TRIM14: variants seen among roughly 807,000 people sequenced by gnomAD.
TRIM14 encodes the protein tripartite motif containing 14.
Under a neutral mutation model 44.5 loss-of-function variants are expected in TRIM14, and 28 were observed. The observed-to-expected ratio is 0.63, with a 90% CI of 0.47 to 0.86. The LOEUF is 0.86. TRIM14 is among the 40% of genes least tolerant of loss of function. TRIM14 has a pLI of 0.00. For synonymous variants in TRIM14, 299 were observed against 269.2 expected, an observed-to-expected ratio of 1.11 and a Z score of -1.08; for missense variants, 607 against 611.1, an observed-to-expected ratio of 0.99 and a Z score of 0.07.
intron 4 of TRIM14, among the ~76,000 whole-genome samples, chr9:98,093,809 G>A (rs762026939): frequency 5.9e-5 from 9 of 152,060 alleles, no homozygotes; most frequent in Non-Finnish European, 1.0e-4. Flanking sequence ...ACAGTGGCAT[G>A]ATCTCAACTC....
At chr9:98,070,890 C>T (rs779457874) in intron 6 of TRIM14, among the ~76,000 whole-genome samples, 1 of 151,598 alleles carries the variant, frequency 6.6e-6, no homozygotes, top group Non-Finnish European at 1.5e-5. Context: ...TAGCTCACCG[C>T]AGCCTTGACG....
At chr9:98,069,074 G>C (rs531049334), downstream of TRIM14, among the ~76,000 whole-genome samples, 1 of 152,140 alleles carries the variant, frequency 6.6e-6, no homozygotes, top group African/African-American at 2.4e-5. Flanking sequence ...TGACCCACCA[G>C]TTGTCATTTG....
chr9:98,081,475 C>T (rs1250978090), downstream of TRIM14: 4 of 184,444 alleles, frequency 2.2e-5, no homozygotes, highest in South Asian at 4.8e-4. Context: ...ACGGTGTTCC[C>T]TGAGGTACCA....
chr9:98,073,704 TC>T (rs1829457026), intron 6 of TRIM14, among the ~76,000 whole-genome samples: 1 of 152,024 alleles, frequency 6.6e-6, no homozygotes, highest in Admixed American at 6.6e-5. Flanking sequence ...GATCAGCAGT[TC>T]CCAGAGTGTC....
the TRIM14 span, among the ~76,000 whole-genome samples, chr9:98,051,653 G>A: frequency 9.9e-5 from 15 of 152,134 alleles, no homozygotes; most frequent in Non-Finnish European, 1.9e-4. Flanking sequence ...TTTAACCCAT[G>A]ATGTGGGTTA....
At chr9:98,100,313 C>T (rs1214433169) in intron 2 of TRIM14, 149 bp from the exon 3 acceptor site, 2 of 672,092 alleles carry the variant, frequency 3.0e-6, no homozygotes, top group African/African-American at 1.8e-5. Flanking sequence ...CCAAAGCTTT[C>T]CTAAGCACCA....
chr9:98,055,662 TAC>T, the TRIM14 span, among the ~76,000 whole-genome samples: 1 of 152,192 alleles, frequency 6.6e-6, no homozygotes, highest in Non-Finnish European at 1.5e-5. Flanking sequence ...TTGTTAGTCC[TAC>T]AAAGGCAGTC....
At chr9:98,083,877 C>T (rs1195708221), downstream of TRIM14, among the ~76,000 whole-genome samples, 1 of 152,172 alleles carries the variant, frequency 6.6e-6, no homozygotes, top group Non-Finnish European at 1.5e-5. Context: ...ATAATACGAT[C>T]TTGGATGGGA....
rs1826126900 is a variant in TRIM14 at position 98,094,902 on chromosome 9, G to A, written c.665C>T (p.Thr222Ile). The change falls in exon 4 of 6, where the codon ACA becomes ATA. Residue 222 changes from threonine (T) to isoleucine (I), a missense_variant. Thr to Ile is a moderately conservative substitution (Grantham distance 89). Transcript: ENST00000341469. Reference protein sequence around the residue: ...FKGLVEAVESTLQTPLDIRLK... With the variant: ...FKGLVEAVESILQTPLDIRLK... The stretch of plus-strand genomic sequence containing the variant: ...GCGAATGTCCAATGGCGTCTGTAAT[G>A]TACTCTCCACGGCTTCCACGAGGCC... The A allele has an allele frequency of 1.2e-6, 2 of 1,614,198 alleles. No individual in the cohort carries two copies. Among genetic ancestry groups the A allele is most frequent in the Non-Finnish European group, 8.5e-7 (1 of 1,180,028 alleles).
Position 98,087,214 on chromosome 9 carries a change from T to G in TRIM14, c.*256A>C. 1 of 763,840 alleles carries G rather than the reference T, an allele frequency of 1.3e-6. No homozygotes were observed. The highest frequency in any genetic ancestry group is 2.4e-6 in the Non-Finnish European group (1 of 408,946). The allele number at this position is 763,840 out of a possible 1,614,324, so 47.3% of individuals were successfully genotyped here. On this transcript the variant is annotated 3_prime_UTR_variant, in exon 6 of 6. Coordinates refer to ENST00000341469, the MANE Select transcript of TRIM14 (RefSeq NM_014788.4). ...TCACTTTGAAGGAACTGGATTAAAGTAGTGTAAGTGATGGTGGGGTGAGGG... is the reference window on the plus strand; with the variant it reads ...TCACTTTGAAGGAACTGGATTAAAGGAGTGTAAGTGATGGTGGGGTGAGGG...
intron 1 of TRIM14, among the ~76,000 whole-genome samples, chr9:98,118,259 G>C (rs1587982862): frequency 1.8e-4 from 1 of 5,712 alleles, no homozygotes; most frequent in Non-Finnish European, 2.6e-4. Flanking sequence ...CAGAGCCCCT[G>C]GGGCACTGTT....
rs771953795 is a variant in TRIM14 at position 98,099,975 on chromosome 9, C to A, written c.493G>T (p.Val165Phe). 3 of 1,614,062 alleles carry A rather than the reference C, an allele frequency of 1.9e-6. No homozygotes were observed. Among genetic ancestry groups the A allele is most frequent in the South Asian group, 1.1e-5 (1 of 91,078 alleles). ...LDIMNDLSNR[V>F]WSISQEPDPV... ...TCGGGCTCCTGGCTGATACTCCAGA[C>A]CCTGTTGGAGAGATCATTCATGATG... Residue 165 changes from valine (V) to phenylalanine (F), a missense_variant, in exon 3 of 6, where the codon GTC becomes TTC. Physicochemically the swap from Val to Phe is conservative, Grantham distance 50. Coordinates refer to ENST00000341469, the MANE Select transcript of TRIM14 (RefSeq NM_014788.4).
At chr9:98,061,043 G>A in the TRIM14 span, 1 of 1,591,262 alleles carries the variant, frequency 6.3e-7, no homozygotes, top group Non-Finnish European at 8.6e-7. Context: ...GCAGACCAAG[G>A]GTCAGCAGGC....
the TRIM14 span, among the ~76,000 whole-genome samples, chr9:98,040,672 T>C: frequency 1.3e-5 from 2 of 151,812 alleles, no homozygotes; most frequent in Non-Finnish European, 2.9e-5. Context: ...TTCTTTTTTT[T>C]TTTGAGACGG....
intron 5 of TRIM14, 69 bp from the exon 6 acceptor site, chr9:98,088,074 C>G: frequency 7.3e-7 from 1 of 1,376,320 alleles, no homozygotes; most frequent in Non-Finnish European, 9.3e-7. Context: ...CCCGGGAACC[C>G]ACCAACGCAC....
At chr9:98,063,174 C>A in the TRIM14 span, among the ~76,000 whole-genome samples, 17 of 151,812 alleles carry the variant, frequency 1.1e-4, no homozygotes, top group African/African-American at 4.1e-4. Context: ...CCCATCCGCC[C>A]GCCCCAGCCT....
At chr9:98,105,008 C>T (rs978718496) in intron 2 of TRIM14, among the ~76,000 whole-genome samples, 3 of 152,014 alleles carry the variant, frequency 2.0e-5, no homozygotes, top group Non-Finnish European at 4.4e-5. Context: ...GTGGCAATGG[C>T]AGGCAGGAAG....
chr9:98,068,823 G>A (rs1829226532), downstream of TRIM14, among the ~76,000 whole-genome samples: 1 of 90,896 alleles, frequency 1.1e-5, no homozygotes, highest in Non-Finnish European at 1.9e-5. Flanking sequence ...GTGAGATCCT[G>A]TCTCTAAAAA....
At chr9:98,078,250 A>G in intron 6 of TRIM14, 1 of 1,614,158 alleles carries the variant, frequency 6.2e-7, no homozygotes. Flanking sequence ...AAGCAAGTTT[A>G]TCAGATCGTG....
Sources: allele counts gnomAD v4.1 joint callset (sites outside exome capture counted in the v4.1 genomes callset), GRCh38; gene constraint gnomAD v4.1.1; transcripts MANE v1.5; gene names NCBI Gene and HGNC (gene_info 2026-07-23, HGNC 2026-07-21).